Variants in EYS observed in about 807,000 individuals in gnomAD.
EYS encodes EGF-like photoreceptor maintenance factor.
A neutral mutation model predicts 282.1 loss-of-function variants in EYS; 250 were observed. The observed-to-expected ratio is 0.89, with a 90% confidence interval of 0.80 to 0.98. The LOEUF is 0.98. Ranked by LOEUF, EYS falls within the 50% of genes least tolerant of loss-of-function variation. The pLI is 0.00. For missense variants in EYS, 4,016 were observed against 3,709.0 expected (o/e 1.08, Z -2.15); for synonymous variants, 1,355 against 1,282.9 (o/e 1.06, Z -1.20).
intron 12 of EYS, among the ~76,000 whole-genome samples, chr6:65,148,060 G>A (rs546433305): frequency 3.3e-5 from 5 of 151,992 alleles, no homozygotes; most frequent in African/African-American, 7.3e-5. Flanking sequence ...GATGAGATTC[G>A]GGTGAGCGCA....
At chr6:64,407,773 C>T (rs1183005945) in intron 28 of EYS, among the ~76,000 whole-genome samples, 2 of 151,888 alleles carry the variant, frequency 1.3e-5, no homozygotes, top group East Asian at 3.9e-4. Flanking sequence ...CTCTTGTTGC[C>T]CAGGCTGGAG....
At chr6:64,446,438 T>A in intron 26 of EYS, among the ~76,000 whole-genome samples, 1 of 152,092 alleles carries the variant, frequency 6.6e-6, no homozygotes, top group Non-Finnish European at 1.5e-5. Flanking sequence ...ATACACCAAA[T>A]GAGTATAATA....
At chr6:64,492,463 T>C (rs1251203089) in intron 26 of EYS, among the ~76,000 whole-genome samples, 2 of 149,774 alleles carry the variant, frequency 1.3e-5, no homozygotes, top group East Asian at 4.0e-4. Context: ...ATGCTGGTCC[T>C]GTTTTTTTGT....
Position 64,912,511 on chromosome 6 carries a change from C to G in EYS, c.2614G>C (p.Ala872Pro), listed in dbSNP as rs957725168. The G allele has an allele frequency of 6.4e-7, 1 of 1,551,024 alleles. No homozygotes were observed. The highest frequency in any genetic ancestry group is 2.4e-5 in the East Asian group (1 of 40,902). Residue 872 changes from alanine (A) to proline (P), a missense_variant, in exon 16 of 43, where the codon GCA (alanine) becomes CCA (proline). Ala to Pro is a conservative substitution (Grantham distance 27). Transcript: ENST00000503581. ...NNSTCLALVD[A>P]NQHCICREEF... is the part of the protein sequence containing the mutation. ...TCTCTACAAATACAATGCTGATTTG[C>G]GTCTACCAAAGCTAAGCATGTTGAG...
At chr6:63,924,229 T>C (rs1764651374) in intron 35 of EYS, among the ~76,000 whole-genome samples, 1 of 152,192 alleles carries the variant, frequency 6.6e-6, no homozygotes, top group South Asian at 2.1e-4. Context: ...GATGGGGTGA[T>C]TGCCATGTTA....
chr6:63,878,287 C>G (rs1773033304), intron 35 of EYS, among the ~76,000 whole-genome samples: 1 of 152,210 alleles, frequency 6.6e-6, no homozygotes, highest in Admixed American at 6.5e-5. Context: ...GGCTGCAGAA[C>G]AGCAAATATT....
At chr6:65,327,502 G>T (rs1170791693) in intron 11 of EYS, among the ~76,000 whole-genome samples, 1 of 151,286 alleles carries the variant, frequency 6.6e-6, no homozygotes, top group East Asian at 1.9e-4. Context: ...ACTTTTAAAG[G>T]TGTATAATCT....
At chr6:65,522,611 G>A (rs1211562656) in intron 2 of EYS, among the ~76,000 whole-genome samples, 1 of 152,044 alleles carries the variant, frequency 6.6e-6, no homozygotes, top group Non-Finnish European at 1.5e-5. Context: ...ACACATAAAA[G>A]CATAAATACT....
chr6:63,879,084 T>A (rs1234007388), intron 35 of EYS, among the ~76,000 whole-genome samples: 2 of 152,188 alleles, frequency 1.3e-5, no homozygotes, highest in Admixed American at 1.3e-4. Flanking sequence ...TATTTGTCCA[T>A]CTGGGAACCT....
At chr6:65,488,826 A>G (rs1765913108) in intron 5 of EYS, among the ~76,000 whole-genome samples, 2 of 152,134 alleles carry the variant, frequency 1.3e-5, no homozygotes, top group African/African-American at 4.8e-5. Context: ...AACACCACAC[A>G]TCTACCATCA....
At chr6:65,319,230 A>AAG (rs1487955725) in intron 11 of EYS, among the ~76,000 whole-genome samples, 2 of 143,396 alleles carry the variant, frequency 1.4e-5, no homozygotes, top group African/African-American at 5.2e-5. Context: ...AAAAAAAACA[A>AAG]TTAGCCGGGC....
intron 13 of EYS, among the ~76,000 whole-genome samples, chr6:65,007,515 G>T (rs1369649846): frequency 6.6e-5 from 10 of 152,210 alleles, no homozygotes; most frequent in Non-Finnish European, 1.5e-4. Context: ...GGCAAATGGA[G>T]TGAAGTGCCA....
At position 65,221,915 on chromosome 6, in the gene EYS, T is replaced by G. The variant is rs117924939; in HGVS notation, c.2023+73948A>C. On this transcript the variant is annotated intron_variant, in intron 12 of 42. Transcript: ENST00000503581. ...AAGAAATGGAGTCAAAGGAGATCAT[T>G]ACGAAGCTTTAAGTTTTGGCTGCCC... is the stretch of plus-strand genomic sequence containing the variant. 2.0e-3 allele frequency among the ~76,000 whole-genome samples: 310 copies of G among 152,246 alleles called. 6 individuals carry two copies. The East Asian group carries it at 0.04, about 20-fold the overall frequency.
At chr6:65,442,681 G>A (rs957016064) in intron 5 of EYS, among the ~76,000 whole-genome samples, 1 of 151,996 alleles carries the variant, frequency 6.6e-6, no homozygotes, top group Non-Finnish European at 1.5e-5. Context: ...TTGAACCCAG[G>A]AGGTGGAGGT....
At position 63,742,823 on chromosome 6, in the gene EYS, C is replaced by T. The variant is rs1188906227; in HGVS notation, c.8072-16143G>A. On this transcript the variant is annotated intron_variant, in intron 41 of 42. Transcript: ENST00000503581. The stretch of plus-strand genomic sequence containing the variant: ...TGATTCATTTCTTTTTATTTCTGAG[C>T]AGTATTCCATGGGACAATTCTATAA... Among the ~76,000 whole-genome samples, 4 of 152,148 alleles carry T rather than the reference C, an allele frequency of 2.6e-5. 1 individual carries two copies. Among genetic ancestry groups the T allele is most frequent in the African/African-American group, 4.8e-5 (2 of 41,450 alleles).
intron 22 of EYS, among the ~76,000 whole-genome samples, chr6:64,692,473 CT>C (rs1290338178): frequency 6.6e-6 from 1 of 152,020 alleles, no homozygotes; most frequent in Non-Finnish European, 1.5e-5. Flanking sequence ...GTTTAATTCA[CT>C]TGCGCTTATC....
chr6:65,590,772 A>G (rs1765203078), intron 2 of EYS, among the ~76,000 whole-genome samples: 1 of 151,404 alleles, frequency 6.6e-6, no homozygotes, highest in South Asian at 2.1e-4. Context: ...ATTGTCCTCC[A>G]GGCAATTTCG....
At position 64,392,355 on chromosome 6, in the gene EYS, A is replaced by G. The variant is rs1252709607; in HGVS notation, c.5928-3515T>C. On this transcript the variant is annotated intron_variant, in intron 28 of 42. Coordinates refer to ENST00000503581, the MANE Select transcript of EYS (RefSeq NM_001142800.2). ...TCCAGCATCACACCACACCTATTCC[A>G]AAATTGACCACATACTTGGAAGTAA... 2.1e-3 allele frequency among the ~76,000 whole-genome samples: 312 copies of G among 150,232 alleles called. 1 individual carries two copies. The highest frequency in any genetic ancestry group is 7.4e-3 in the African/African-American group (297 of 39,984).
chr6:64,200,843 G>T (rs1765440110), intron 31 of EYS, among the ~76,000 whole-genome samples: 1 of 152,228 alleles, frequency 6.6e-6, no homozygotes, highest in African/African-American at 2.4e-5. Context: ...AACCTGGAAA[G>T]ACCATATAAA....
Sources: allele counts gnomAD v4.1 joint callset (sites outside exome capture counted in the v4.1 genomes callset), GRCh38; gene constraint gnomAD v4.1.1; transcripts MANE v1.5; gene names NCBI Gene and HGNC (gene_info 2026-07-23, HGNC 2026-07-21).